The following GRB10 variants were observed in gnomAD, a reference collection of about 807,000 sequenced individuals.
GRB10 encodes growth factor receptor-bound protein 10.
Under a neutral mutation model 80.9 loss-of-function variants are expected in GRB10, and 20 were observed. The ratio of observed to expected loss-of-function variants is 0.25; its 90% CI spans 0.17 to 0.36. The LOEUF is 0.36. Ranked by LOEUF, GRB10 falls within the 10% of genes least tolerant of loss-of-function variation. GRB10 has a pLI of 1.00. For synonymous variants in GRB10, 291 were observed against 291.5 expected (o/e 1.00, Z 0.02); for missense variants, 548 against 747.7 (o/e 0.73, Z 3.12).
At chr7:50,638,166 A>G (rs886210925) in intron 7 of GRB10, among the ~76,000 whole-genome samples, 2 of 152,196 alleles carry the variant, frequency 1.3e-5, no homozygotes, top group African/African-American at 4.8e-5. Flanking sequence ...TGGAAACTAT[A>G]AAAGTCCTAG....
At chr7:50,604,243 G>C (rs1248865787) in intron 16 of GRB10, 68 bp downstream of exon 16, 2 of 1,380,202 alleles carry the variant, frequency 1.4e-6, no homozygotes, top group Non-Finnish European at 2.1e-6. Context: ...AAGGCTGAGG[G>C]GGAGTGGAGG....
chr7:50,709,863 T>A (rs2065627330), intron 4 of GRB10, among the ~76,000 whole-genome samples: 1 of 152,012 alleles, frequency 6.6e-6, no homozygotes, highest in Non-Finnish European at 1.5e-5. Flanking sequence ...AGGCCCATGA[T>A]GGGGGACCCA....
At chr7:50,627,756 C>T (rs1279154038) in intron 7 of GRB10, among the ~76,000 whole-genome samples, 1 of 152,246 alleles carries the variant, frequency 6.6e-6, no homozygotes, top group Non-Finnish European at 1.5e-5. Flanking sequence ...TTTAACAAAT[C>T]CTTACCTCGA....
chr7:50,636,241 A>C (rs2055001088), intron 7 of GRB10, among the ~76,000 whole-genome samples: 1 of 152,082 alleles, frequency 6.6e-6, no homozygotes, highest in Admixed American at 6.5e-5. Flanking sequence ...AGCCTCCCAA[A>C]GTGCTGGGAT....
chr7:50,733,795 G>A (rs545604358), intron 3 of GRB10, among the ~76,000 whole-genome samples: 2 of 152,332 alleles, frequency 1.3e-5, no homozygotes, highest in Admixed American at 6.5e-5. Context: ...ACACCAGTCT[G>A]GCTATTGCCA....
chr7:50,690,942 G>A (rs2062744497), intron 5 of GRB10, among the ~76,000 whole-genome samples: 1 of 152,202 alleles, frequency 6.6e-6, no homozygotes, highest in Non-Finnish European at 1.5e-5. Context: ...GATGACAATG[G>A]CTTTTTCAGT....
At position 50,647,933 on chromosome 7, in the gene GRB10, T is replaced by C. The variant is rs145888056; in HGVS notation, c.505-20955A>G. On this transcript the variant is annotated intron_variant, in intron 7 of 18. Transcript: ENST00000401949. Reference sequence around the variant, plus strand: ...CTGAGATGGGAATTTGGAGGTATCATGTTTGGAGGGAAGGATCAGATGCTG... The same window carrying C: ...CTGAGATGGGAATTTGGAGGTATCACGTTTGGAGGGAAGGATCAGATGCTG... Among the ~76,000 whole-genome samples, 3 of 152,208 alleles carry C rather than the reference T, an allele frequency of 2.0e-5. No individual in the cohort carries two copies. The East Asian group carries it at 5.8e-4, about 29-fold the overall frequency.
upstream of GRB10, among the ~76,000 whole-genome samples, chr7:50,787,549 G>C (rs1226203516): frequency 1.3e-5 from 2 of 152,238 alleles, no homozygotes; most frequent in Non-Finnish European, 2.9e-5. Context: ...AGGACAGCAG[G>C]GGGACAGTGC....
At chr7:50,621,694 C>T (rs2051785618) in intron 8 of GRB10, among the ~76,000 whole-genome samples, 1 of 152,196 alleles carries the variant, frequency 6.6e-6, no homozygotes, top group Non-Finnish European at 1.5e-5. Flanking sequence ...AATCACATCA[C>T]TATCTATAAA....
chr7:50,788,665 A>C (rs1401658485), intron 1 of GRB10, among the ~76,000 whole-genome samples: 6 of 152,244 alleles, frequency 3.9e-5, no homozygotes, highest in Non-Finnish European at 8.8e-5. Flanking sequence ...GTTCATGCCC[A>C]GTTCCATTTA....
At chr7:50,772,380 G>A (rs2077072210) in intron 2 of GRB10, among the ~76,000 whole-genome samples, 2 of 152,234 alleles carry the variant, frequency 1.3e-5, no homozygotes, top group Admixed American at 1.3e-4. Flanking sequence ...TCCCAGGACA[G>A]TCAAAGAATA....
intron 7 of GRB10, among the ~76,000 whole-genome samples, chr7:50,640,628 T>G (rs2056057786): frequency 1.3e-5 from 2 of 152,228 alleles, no homozygotes. Context: ...GAATTTCACT[T>G]GTCCTCTCAA....
intron 12 of GRB10, among the ~76,000 whole-genome samples, chr7:50,613,388 T>G (rs1467194983): frequency 6.6e-6 from 1 of 151,972 alleles, no homozygotes; most frequent in Non-Finnish European, 1.5e-5. Flanking sequence ...GGGAGACTGA[T>G]GTTGGCTCTG....
At chr7:50,727,773 A>G (rs746197358) in intron 4 of GRB10, 3 of 152,238 alleles carry the variant, frequency 2.0e-5, no homozygotes, top group Non-Finnish European at 4.4e-5. Context: ...TCTACACTCT[A>G]AAACAAAAAA....
At chr7:50,603,368 C>A (rs1408888673) in intron 17 of GRB10, among the ~76,000 whole-genome samples, 5 of 152,306 alleles carry the variant, frequency 3.3e-5, no homozygotes, top group Middle Eastern at 3.4e-3. Context: ...TGTGATGGTA[C>A]GAGAATCTTG....
intron 7 of GRB10, among the ~76,000 whole-genome samples, chr7:50,646,957 A>G (rs986464767): frequency 1.3e-5 from 2 of 152,126 alleles, no homozygotes; most frequent in Admixed American, 1.3e-4. Flanking sequence ...AGGCTCCTCC[A>G]CTCATCCCAG....
chr7:50,672,103 C>G (rs980605964), intron 6 of GRB10, among the ~76,000 whole-genome samples: 1 of 152,220 alleles, frequency 6.6e-6, no homozygotes, highest in Non-Finnish European at 1.5e-5. Flanking sequence ...CACCCATCGG[C>G]TTTCCTATGT....
chr7:50,715,425 A>G (rs1235803026), intron 4 of GRB10, among the ~76,000 whole-genome samples: 2 of 152,194 alleles, frequency 1.3e-5, no homozygotes, highest in Non-Finnish European at 2.9e-5. Context: ...GACTTTTCCC[A>G]GTAAGACCAA....
At chr7:50,627,021 G>C (rs780998077) in intron 7 of GRB10, 43 bp from the exon 8 acceptor site, 1 of 1,597,724 alleles carries the variant, frequency 6.3e-7, no homozygotes, top group Non-Finnish European at 8.6e-7. Context: ...ACAACTTCGG[G>C]CTTTCAAGAA....
Sources: gnomAD v4.1 joint callset for allele counts (sites outside exome capture counted in the v4.1 genomes callset) on GRCh38, gnomAD v4.1.1 for gene constraint, MANE v1.5 for transcripts, NCBI Gene and HGNC (gene_info 2026-07-23, HGNC 2026-07-21) for gene names.